Variants in CADM2 observed in about 807,000 individuals in gnomAD.
CADM2 encodes cell adhesion molecule 2.
A neutral mutation model predicts 49.8 loss-of-function variants in CADM2; 12 were observed. That is an observed-to-expected ratio of 0.24 (90% confidence interval 0.15 to 0.39). The LOEUF (loss-of-function observed/expected upper bound fraction) is 0.39. CADM2 is among the 10% of genes least tolerant of loss of function. The pLI is 1.00. For missense variants in CADM2, 378 were observed against 492.3 expected (o/e 0.77, Z 2.20); for synonymous variants, 214 against 175.4 (o/e 1.22, Z -1.74).
chr3:85,466,435 A>G (rs2038493922), intron 1 of CADM2, among the ~76,000 whole-genome samples: 1 of 152,176 alleles, frequency 6.6e-6, no homozygotes, highest in South Asian at 2.1e-4. Context: ...CAGAAGTTAA[A>G]TGATAAGACA....
intron 8 of CADM2, among the ~76,000 whole-genome samples, chr3:85,995,572 T>A (rs1001959379): frequency 1.3e-5 from 2 of 152,154 alleles, no homozygotes; most frequent in Non-Finnish European, 2.9e-5. Flanking sequence ...GTATTCTAAG[T>A]GAAGAAATGG....
intron 8 of CADM2, chr3:85,992,739 A>G (rs186147658): frequency 6.6e-6 from 1 of 152,340 alleles, no homozygotes; most frequent in East Asian, 1.9e-4. Context: ...TGATCGTCTG[A>G]GTCTTCAGTG....
chr3:85,779,654 C>T (rs141322660), intron 2 of CADM2, among the ~76,000 whole-genome samples: 113 of 152,250 alleles, frequency 7.4e-4, no homozygotes, highest in Middle Eastern at 3.4e-3. Context: ...CCAGGTTCAT[C>T]CCACAATACG....
intron 8 of CADM2, among the ~76,000 whole-genome samples, chr3:86,011,387 T>C (rs1731491608): frequency 6.6e-6 from 1 of 152,154 alleles, no homozygotes; most frequent in African/African-American, 2.4e-5. Flanking sequence ...CTTGTAATTA[T>C]GTTCATCTTA....
intron 6 of CADM2, among the ~76,000 whole-genome samples, chr3:85,913,174 C>T (rs914292192): frequency 3.9e-5 from 6 of 152,110 alleles, no homozygotes; most frequent in Non-Finnish European, 5.9e-5. Context: ...ACAAGATACA[C>T]ACAAGGATTC....
intron 1 of CADM2, among the ~76,000 whole-genome samples, chr3:85,398,316 T>C (rs1253826269): frequency 7.4e-6 from 1 of 134,998 alleles, no homozygotes; most frequent in Non-Finnish European, 1.6e-5. Context: ...TTCATCCATG[T>C]CCCTACAAAG....
At chr3:85,639,541 T>A (rs2107546989) in intron 1 of CADM2, among the ~76,000 whole-genome samples, 1 of 152,310 alleles carries the variant, frequency 6.6e-6, no homozygotes, top group African/African-American at 2.4e-5. Context: ...TCTTACTGTT[T>A]TTTTCATGGT....
chr3:85,901,005 C>T (rs143241674), intron 5 of CADM2, among the ~76,000 whole-genome samples: 69 of 151,942 alleles, frequency 4.5e-4, no homozygotes, highest in African/African-American at 1.4e-3. Flanking sequence ...AAAATTAACT[C>T]GCTAATTAAT....
intron 1 of CADM2, among the ~76,000 whole-genome samples, chr3:85,306,712 A>C (rs2044220176): frequency 6.6e-6 from 1 of 151,724 alleles, no homozygotes; most frequent in African/African-American, 2.4e-5. Flanking sequence ...CAAGAAGCTG[A>C]ATTTGTTCAG....
chr3:85,855,789 G>A (rs1368277774), intron 3 of CADM2, among the ~76,000 whole-genome samples: 2 of 151,482 alleles, frequency 1.3e-5, no homozygotes, highest in Non-Finnish European at 2.9e-5. Flanking sequence ...ACCATGCCTG[G>A]CTAATTGTTT....
At chr3:85,822,013 A>T (rs1233426698) in intron 3 of CADM2, among the ~76,000 whole-genome samples, 1 of 152,196 alleles carries the variant, frequency 6.6e-6, no homozygotes, top group Non-Finnish European at 1.5e-5. Flanking sequence ...GTAATTTTTC[A>T]TATTAAATGT....
intron 1 of CADM2, among the ~76,000 whole-genome samples, chr3:85,087,043 A>T (rs1375158004): frequency 6.6e-6 from 1 of 152,176 alleles, no homozygotes; most frequent in East Asian, 1.9e-4. Context: ...TGGCTTGTAC[A>T]CATAAAACAT....
chr3:85,880,631 C>T (rs986526389), intron 3 of CADM2, among the ~76,000 whole-genome samples: 1 of 152,146 alleles, frequency 6.6e-6, no homozygotes, highest in Non-Finnish European at 1.5e-5. Flanking sequence ...CTCTGGCCTC[C>T]ATGACTTGAA....
At chr3:85,484,758 T>C in intron 1 of CADM2, among the ~76,000 whole-genome samples, 1 of 152,136 alleles carries the variant, frequency 6.6e-6, no homozygotes, top group East Asian at 1.9e-4. Flanking sequence ...TGATATTCTT[T>C]ATCCTTAATT....
At chr3:85,307,205 T>C (rs2044234703) in intron 1 of CADM2, among the ~76,000 whole-genome samples, 1 of 151,668 alleles carries the variant, frequency 6.6e-6, no homozygotes, top group Non-Finnish European at 1.5e-5. Flanking sequence ...TATATATATA[T>C]AATCAAACCA....
At chr3:84,984,381 A>C (rs962964899) in intron 1 of CADM2, among the ~76,000 whole-genome samples, 1 of 146,380 alleles carries the variant, frequency 6.8e-6, no homozygotes, top group African/African-American at 2.5e-5. Flanking sequence ...AAAAAAAAAA[A>C]AAAACACTTG....
chr3:85,405,980 A>G (rs1485076781), intron 1 of CADM2, among the ~76,000 whole-genome samples: 1 of 151,988 alleles, frequency 6.6e-6, no homozygotes, highest in East Asian at 1.9e-4. Context: ...ATGCGTGCAT[A>G]TATATGGAAC....
At chr3:85,119,419 G>T (rs2038769685) in intron 1 of CADM2, among the ~76,000 whole-genome samples, 2 of 152,148 alleles carry the variant, frequency 1.3e-5, no homozygotes, top group South Asian at 4.2e-4. Context: ...ATAGTTTAAA[G>T]TCAGGTAGTG....
intron 2 of CADM2, among the ~76,000 whole-genome samples, chr3:85,734,231 A>T (rs2068043555): frequency 6.6e-6 from 1 of 152,200 alleles, no homozygotes; most frequent in African/African-American, 2.4e-5. Flanking sequence ...GGGTCTGTTC[A>T]ATTATTGATT....
Sources: allele counts gnomAD v4.1 joint callset (sites outside exome capture counted in the v4.1 genomes callset), GRCh38; gene constraint gnomAD v4.1.1; transcripts MANE v1.5; gene names NCBI Gene and HGNC (gene_info 2026-07-23, HGNC 2026-07-21).